SLC26A3: variants seen among roughly 807,000 people sequenced by gnomAD.
SLC26A3 encodes the protein chloride anion exchanger.
Under a neutral mutation model 85.6 loss-of-function variants are expected in SLC26A3, and 64 were observed. The observed-to-expected ratio is 0.75, with a 90% CI of 0.61 to 0.92. SLC26A3 has a LOEUF of 0.92. Ranked by LOEUF, SLC26A3 falls within the 40% of genes least tolerant of loss-of-function variation. SLC26A3 has a pLI of 0.00. For synonymous variants in SLC26A3, 349 were observed against 336.0 expected (o/e 1.04, Z -0.42); for missense variants, 922 against 927.3 (o/e 0.99, Z 0.07).
At chr7:107,778,057 T>C in intron 13 of SLC26A3, 118 bp downstream of exon 13, 2 of 746,144 alleles carry the variant, frequency 2.7e-6, no homozygotes, top group Non-Finnish European at 4.8e-6. Context: ...TGCCCCATCC[T>C]GATAGAAATG....
At chr7:107,775,108 G>A (rs1344119428) in intron 15 of SLC26A3, among the ~76,000 whole-genome samples, 1 of 152,100 alleles carries the variant, frequency 6.6e-6, no homozygotes, top group Non-Finnish European at 1.5e-5. Flanking sequence ...CACAGTCCAG[G>A]ATTCATCCAT....
rs563246080 is a variant in SLC26A3, at chr7:107,802,625, T to C, written c.-89+486A>G. On this transcript the variant is annotated intron_variant, in intron 1 of 20. Coordinates refer to ENST00000340010, the MANE Select transcript of SLC26A3 (RefSeq NM_000111.3). ...TAAGCTATCCTCCTGCTTTAGCCTC[T>C]TGAGTAGCTAGGACTATAGATACAT... Among the ~76,000 whole-genome samples, 4 of 152,206 alleles carry C rather than the reference T, an allele frequency of 2.6e-5. No individual in the cohort carries two copies. In the East Asian group the frequency reaches 7.7e-4, roughly 29 times the overall value.
chr7:107,779,635 ATC>A, intron 12 of SLC26A3, 31 bp downstream of exon 12: 1 of 1,494,988 alleles, frequency 6.7e-7, no homozygotes, highest in Non-Finnish European at 9.3e-7. Flanking sequence ...ATTGTGATTT[ATC>A]TCTCTTTCAA....
At chr7:107,801,183 A>C (rs1562884315) in intron 1 of SLC26A3, among the ~76,000 whole-genome samples, 1 of 147,254 alleles carries the variant, frequency 6.8e-6, no homozygotes, top group Non-Finnish European at 1.5e-5. Context: ...AGATGAGAGA[A>C]GATAAATGAC....
At chr7:107,779,878 G>T in intron 11 of SLC26A3, 115 bp from the exon 12 acceptor site, 1 of 834,904 alleles carries the variant, frequency 1.2e-6, no homozygotes, top group South Asian at 1.4e-5. Context: ...GCAAATCAAA[G>T]CATTACACCC....
Position 107,793,815 on chromosome 7 carries a change from T to A in SLC26A3, c.198A>T (p.Ala66=), listed in dbSNP as rs1279825354. The A allele has an allele frequency of 6.2e-7, 1 of 1,614,028 alleles. No individual in the cohort carries two copies. Among genetic ancestry groups the A allele is most frequent in the East Asian group, 2.2e-5 (1 of 44,890 alleles). ...TGAGCAACCATTCTTTAAGCCGGTA[T>A]GCTGGCAACCAAGATGCTATGGGGA... ...SLFPIASWLP[A]YRLKEWLLSD... Residue 66 remains alanine, a synonymous_variant, in exon 3 of 21, where the codon GCA becomes GCT. Coordinates refer to ENST00000340010, the MANE Select transcript of SLC26A3 (RefSeq NM_000111.3).
chr7:107,774,966 T>C lies in SLC26A3; in HGVS notation c.1678-94A>G, dbSNP rs1584402944. On this transcript the variant is annotated intron_variant, in intron 15 of 20. Coordinates refer to ENST00000340010, the MANE Select transcript of SLC26A3 (RefSeq NM_000111.3). ...ACTTTAACTGGAGTGATTTGAGGGATTGGGACAGATAATAAAAATATTTGT... is the reference window on the plus strand; with the variant it reads ...ACTTTAACTGGAGTGATTTGAGGGACTGGGACAGATAATAAAAATATTTGT... The C allele has an allele frequency of 6.4e-6, 6 of 934,168 alleles. No individual in the cohort carries two copies. In the Admixed American group the frequency reaches 7.1e-5, roughly 11 times the overall value. The allele number at this position is 934,168 out of a possible 1,614,324, so 57.9% of individuals were successfully genotyped here. A position where few individuals can be genotyped will look rare whatever the true frequency, so the allele number is the denominator to read the frequency against.
intron 20 of SLC26A3, among the ~76,000 whole-genome samples, chr7:107,767,368 T>C (rs1374837271): frequency 6.6e-6 from 1 of 152,232 alleles, no homozygotes; most frequent in African/African-American, 2.4e-5. Context: ...TTATCACTAT[T>C]TTTTCATCCT....
intron 3 of SLC26A3, 32 bp downstream of exon 3, chr7:107,793,710 T>G (rs559546670): frequency 2.1e-4 from 323 of 1,511,556 alleles, no homozygotes; most frequent in African/African-American, 9.2e-4. Context: ...AGAATTTTAT[T>G]GTATATAAAT....
chr7:107,801,008 G>A (rs1794589829), intron 1 of SLC26A3, among the ~76,000 whole-genome samples: 1 of 152,194 alleles, frequency 6.6e-6, no homozygotes, highest in Non-Finnish European at 1.5e-5. Flanking sequence ...CATAGCAAGG[G>A]ATTTCACACC....
At chr7:107,793,987 A>G (rs892600677) in intron 2 of SLC26A3, 106 bp from the exon 3 acceptor site, 1 of 1,415,834 alleles carries the variant, frequency 7.1e-7, no homozygotes, top group African/African-American at 1.4e-5. Flanking sequence ...AGATTAAACT[A>G]GTAATTTCAC....
intron 20 of SLC26A3, among the ~76,000 whole-genome samples, chr7:107,766,111 T>G (rs1264011496): frequency 3.9e-5 from 6 of 152,208 alleles, no homozygotes; most frequent in Admixed American, 3.9e-4. Flanking sequence ...TAGCAATATC[T>G]TTCTTCACAT....
At chr7:107,767,433 G>A in intron 20 of SLC26A3, 146 bp downstream of exon 20, 2 of 687,226 alleles carry the variant, frequency 2.9e-6, no homozygotes, top group South Asian at 1.6e-5. Context: ...AGATTGGTTA[G>A]CATTGCTTCA....
intron 7 of SLC26A3, 118 bp from the exon 8 acceptor site, chr7:107,787,027 A>C: frequency 2.3e-6 from 2 of 880,136 alleles, no homozygotes; most frequent in Non-Finnish European, 3.7e-6. Flanking sequence ...ACTCCAGCCC[A>C]GGCTTTGTTA....
At position 107,782,882 on chromosome 7, in the gene SLC26A3, G is replaced by A. The variant is rs1208176334; in HGVS notation, c.1234-8C>T. 1 of 1,613,590 alleles carries A rather than the reference G, an allele frequency of 6.2e-7. No individual in the cohort carries two copies. The highest frequency in any genetic ancestry group is 1.3e-5 in the African/African-American group (1 of 74,608). On this transcript the variant is annotated splice_polypyrimidine_tract_variant and splice_region_variant and intron_variant, in intron 10 of 20. Coordinates refer to ENST00000340010, the MANE Select transcript of SLC26A3 (RefSeq NM_000111.3). ...ACCAATAAGCCCAGCAATCTGTGAG[G>A]ATAAAAAAATTATCATCACCAACTC...
chr7:107,770,050 C>CTTTCTT (rs1467990097), intron 18 of SLC26A3, among the ~76,000 whole-genome samples: 4 of 74,164 alleles, frequency 5.4e-5, no homozygotes, highest in Non-Finnish European at 1.2e-4. Context: ...TTCTTTCTTT[C>CTTTCTT]TCTTTTCTTT....
intron 3 of SLC26A3, 59 bp downstream of exon 3, chr7:107,793,683 T>G: frequency 7.6e-7 from 1 of 1,308,654 alleles, no homozygotes; most frequent in Non-Finnish European, 1.1e-6. Flanking sequence ...GTCCCTGAGC[T>G]GTACACATTC....
intron 18 of SLC26A3, among the ~76,000 whole-genome samples, chr7:107,771,192 A>G (rs577520637): frequency 6.6e-6 from 1 of 152,324 alleles, no homozygotes; most frequent in East Asian, 1.9e-4. Flanking sequence ...TATCTGGAAA[A>G]CTAGGTAAGC....
intron 8 of SLC26A3, 49 bp downstream of exon 8, chr7:107,786,778 T>A: frequency 2.0e-6 from 3 of 1,472,830 alleles, no homozygotes; most frequent in Non-Finnish European, 2.9e-6. Flanking sequence ...TCACTACTGC[T>A]AACTCTCTGC....
Sources: allele counts gnomAD v4.1 joint callset (sites outside exome capture counted in the v4.1 genomes callset), GRCh38; gene constraint gnomAD v4.1.1; transcripts MANE v1.5; gene names NCBI Gene and HGNC (gene_info 2026-07-23, HGNC 2026-07-21).